PIAS1: variants seen among roughly 807,000 people sequenced by gnomAD.
PIAS1 encodes protein inhibitor of activated STAT 1.
Under a neutral mutation model 71.3 loss-of-function variants are expected in PIAS1, and 6 were observed. That is an observed-to-expected ratio of 0.08 (90% confidence interval 0.05 to 0.17). The LOEUF (loss-of-function observed/expected upper bound fraction) is 0.17, where lower values mean the gene tolerates loss of function less well. PIAS1 is among the 10% of genes least tolerant of loss of function. The pLI is 1.00. For missense variants in PIAS1, 555 were observed against 793.6 expected (o/e 0.70, Z 3.61); for synonymous variants, 303 against 292.9 (o/e 1.03, Z -0.35).
intron 1 of PIAS1, among the ~76,000 whole-genome samples, chr15:68,059,299 C>T (rs556162883): frequency 3.0e-4 from 46 of 152,176 alleles, no homozygotes; most frequent in Admixed American, 2.4e-3. Context: ...GAGCCACCAC[C>T]GCGCCAGGCC....
intron 2 of PIAS1, among the ~76,000 whole-genome samples, chr15:68,117,545 C>T (rs1163786304): frequency 6.6e-6 from 1 of 152,256 alleles, no homozygotes; most frequent in East Asian, 1.9e-4. Context: ...GTTCTCGTAC[C>T]CCTATTCTAT....
intron 2 of PIAS1, among the ~76,000 whole-genome samples, chr15:68,095,275 C>A (rs1197121271): frequency 6.6e-6 from 1 of 151,964 alleles, no homozygotes; most frequent in Non-Finnish European, 1.5e-5. Context: ...TGCAGCATTT[C>A]AGAATTTAAC....
chr15:68,156,727 A>AAAAG (rs767817571), intron 7 of PIAS1, among the ~76,000 whole-genome samples: 9 of 143,880 alleles, frequency 6.3e-5, no homozygotes, highest in African/African-American at 1.8e-4. Flanking sequence ...AAAAAAAAAA[A>AAAAG]AGAGAGAGAG....
At chr15:68,112,446 T>C (rs960451128) in intron 2 of PIAS1, among the ~76,000 whole-genome samples, 4 of 152,126 alleles carry the variant, frequency 2.6e-5, no homozygotes, top group African/African-American at 7.2e-5. Flanking sequence ...CCTTTCCAGG[T>C]AGGTTTTTGA....
chr15:68,175,662 T>A lies in PIAS1; in HGVS notation c.1195T>A (p.Cys399Ser). ...DGLFMEILKY[C>S]TDCDEIQFKE... ...CTTGTTTATGGAAATCCTAAAGTAC[T>A]GTACAGACTGTGATGAAATACAATT... Residue 399 changes from cysteine to serine, a missense_variant, in exon 10 of 14, where the codon TGT becomes AGT. This residue lies in a region of PIAS1 where 244 missense variants were observed against 307.5 expected (regional missense o/e 0.79). Coordinates refer to ENST00000249636, the MANE Select transcript of PIAS1 (RefSeq NM_016166.3). 6.4e-7 allele frequency: 1 copy of A among 1,572,328 alleles called. No individual in the cohort carries two copies. Among genetic ancestry groups the A allele is most frequent in the Non-Finnish European group, 8.7e-7 (1 of 1,151,810 alleles).
intron 6 of PIAS1, among the ~76,000 whole-genome samples, chr15:68,150,235 G>A (rs1179791921): frequency 2.0e-5 from 3 of 152,090 alleles, no homozygotes; most frequent in Admixed American, 1.3e-4. Flanking sequence ...CAAGGAAGAA[G>A]GGGAGTGTTT....
At chr15:68,129,925 G>A (rs999112897) in intron 2 of PIAS1, among the ~76,000 whole-genome samples, 1 of 151,906 alleles carries the variant, frequency 6.6e-6, no homozygotes. Flanking sequence ...ATCCTGTAGG[G>A]AAGCAGCTAG....
intron 1 of PIAS1, among the ~76,000 whole-genome samples, chr15:68,075,078 C>CTTTTTTTTTTT (rs146114696): frequency 1.8e-4 from 15 of 81,788 alleles, no homozygotes; most frequent in East Asian, 3.6e-4. Context: ...TTCTTTCTTT[C>CTTTTTTTTTTT]TTTTTTTTTT....
chr15:68,146,014 T>G, intron 5 of PIAS1, 108 bp downstream of exon 5: 1 of 719,054 alleles, frequency 1.4e-6, no homozygotes, highest in Non-Finnish European at 2.5e-6. Flanking sequence ...CATTTTTATT[T>G]TGGATATATA....
intron 2 of PIAS1, among the ~76,000 whole-genome samples, chr15:68,095,801 G>A (rs1011492689): frequency 8.5e-5 from 13 of 152,162 alleles, no homozygotes; most frequent in Non-Finnish European, 1.8e-4. Flanking sequence ...AAAGTGCTGG[G>A]ATTACAAGCG....
Position 68,088,176 on chromosome 15 carries a change from GTATATATA to G in PIAS1, c.469+1444_469+1451del, listed in dbSNP as rs71455574. Among the ~76,000 whole-genome samples the G allele has an allele frequency of 6.0e-3, 438 of 73,004 alleles. 12 individuals carry two copies. The highest frequency in any genetic ancestry group is 0.024 in the African/African-American group (385 of 16,150). The allele number at this position is 73,004 out of a possible 152,430, so 47.9% of individuals were successfully genotyped here. A position where few individuals can be genotyped will look rare whatever the true frequency, so the allele number is the denominator to read the frequency against. On this transcript the variant is annotated intron_variant, in intron 2 of 13. Transcript: ENST00000249636. Reference sequence around the variant, plus strand: ...TTCTTGTCTGTCTGATTATGTGTGTGTATATATATATATATATATATATATCCCATTTT... The same window carrying G: ...TTCTTGTCTGTCTGATTATGTGTGTGTATATATATATATATATCCCATTTT...
chr15:68,101,892 AG>A (rs2092430155), intron 2 of PIAS1, among the ~76,000 whole-genome samples: 1 of 152,160 alleles, frequency 6.6e-6, no homozygotes, highest in Admixed American at 6.5e-5. Context: ...TTGAGACTAC[AG>A]GTGTGTGCCA....
intron 6 of PIAS1, among the ~76,000 whole-genome samples, chr15:68,149,796 A>G (rs2092833103): frequency 1.3e-5 from 2 of 152,128 alleles, no homozygotes; most frequent in African/African-American, 4.8e-5. Flanking sequence ...GGTATGTCAT[A>G]TAAATTATAT....
chr15:68,114,281 G>A (rs1030744683), intron 2 of PIAS1, among the ~76,000 whole-genome samples: 8 of 151,726 alleles, frequency 5.3e-5, no homozygotes, highest in Admixed American at 5.3e-4. Context: ...AATATTTTAT[G>A]ACTGTATTCT....
At chr15:68,164,108 C>G (rs1380639936) in intron 7 of PIAS1, among the ~76,000 whole-genome samples, 1 of 151,474 alleles carries the variant, frequency 6.6e-6, no homozygotes, top group Non-Finnish European at 1.5e-5. Flanking sequence ...AGTGTGGGTT[C>G]CAATTTTACT....
chr15:68,155,719 T>G (rs7168352), intron 7 of PIAS1, among the ~76,000 whole-genome samples: 3,390 of 152,308 alleles, frequency 0.022, 123 homozygotes, highest in African/African-American at 0.077. Context: ...ATCATTTGAT[T>G]TAGTAGGATT....
chr15:68,088,176 G>GTGTGTATATATATATATATA lies in PIAS1; in HGVS notation c.469+1427_469+1428insGTGTATATATATATATATAT, dbSNP rs150997979. Among the ~76,000 whole-genome samples, 100 of 72,980 alleles carry GTGTGTATATATATATATATA rather than the reference G, an allele frequency of 1.4e-3. 1 individual carries two copies. The highest frequency in any genetic ancestry group is 5.4e-3 in the South Asian group (8 of 1,476). 47.9% of individuals were successfully genotyped at this position (72,980 alleles called of 152,430 possible). A position where few individuals can be genotyped will look rare whatever the true frequency, so the allele number is the denominator to read the frequency against. ...TTCTTGTCTGTCTGATTATGTGTGTGTATATATATATATATATATATATAT... is the reference window on the plus strand; with the variant it reads ...TTCTTGTCTGTCTGATTATGTGTGTGTGTGTATATATATATATATATATATATATATATATATATATATAT... On this transcript the variant is annotated intron_variant, in intron 2 of 13. Coordinates refer to ENST00000249636, the MANE Select transcript of PIAS1 (RefSeq NM_016166.3).
At chr15:68,055,157 A>T in intron 1 of PIAS1, 1 of 980,148 alleles carries the variant, frequency 1.0e-6, no homozygotes, top group Non-Finnish European at 1.2e-6. Flanking sequence ...CTTTTGCCTT[A>T]GCTGGTGTGG....
intron 8 of PIAS1, among the ~76,000 whole-genome samples, chr15:68,170,283 C>T (rs1195388149): frequency 1.3e-5 from 2 of 152,098 alleles, no homozygotes; most frequent in East Asian, 1.9e-4. Context: ...TTACACAAAC[C>T]TAGATGGTAT....
Sources: gnomAD v4.1 joint callset for allele counts (sites outside exome capture counted in the v4.1 genomes callset) on GRCh38, gnomAD v4.1.1 for gene constraint, gnomAD v4.1.1 regional missense constraint, MANE v1.5 for transcripts, NCBI Gene and HGNC (gene_info 2026-07-23, HGNC 2026-07-21) for gene names.